NALF1: variants seen among roughly 807,000 people sequenced by gnomAD.
NALF1 encodes NALCN channel auxiliary factor 1.
A neutral mutation model predicts 48.4 loss-of-function variants in NALF1; 3 were observed. That is an observed-to-expected ratio of 0.06 (90% confidence interval 0.03 to 0.16). The LOEUF (loss-of-function observed/expected upper bound fraction) is 0.16. NALF1 is among the 10% of genes least tolerant of loss of function. NALF1 has a pLI of 1.00. For missense variants in NALF1, 526 were observed against 571.5 expected (o/e 0.92, Z 0.81); for synonymous variants, 262 against 245.7 (o/e 1.07, Z -0.62).
chr13:107,460,865 A>C (rs1332719115), intron 1 of NALF1, among the ~76,000 whole-genome samples: 6 of 152,218 alleles, frequency 3.9e-5, no homozygotes, highest in African/African-American at 1.4e-4. Context: ...AACATCTCTG[A>C]CTAATGGCAA....
chr13:107,824,014 A>G (rs1034575448), intron 1 of NALF1, among the ~76,000 whole-genome samples: 3 of 137,724 alleles, frequency 2.2e-5, no homozygotes, highest in African/African-American at 7.9e-5. Flanking sequence ...ATTGGTCCCC[A>G]TCATTCCTTA....
At position 107,279,040 on chromosome 13, in the gene NALF1, C is replaced by CTT. The variant is rs1229406309; in HGVS notation, c.916-68287_916-68286dup. On this transcript the variant is annotated intron_variant, in intron 1 of 2. Transcript: ENST00000375915. Reference sequence around the variant, plus strand: ...CAGGTCTTTCCTTTTCTTTTCTTTTCTTCTTTTTTTTTTTTTTTTTTGCAC... The same window carrying CTT: ...CAGGTCTTTCCTTTTCTTTTCTTTTCTTTTCTTTTTTTTTTTTTTTTTTGCAC... 1.0e-4 allele frequency among the ~76,000 whole-genome samples: 11 copies of CTT among 105,178 alleles called. No homozygotes were observed. In the East Asian group the frequency reaches 1.6e-3, roughly 16 times the overall value. The allele number at this position is 105,178 out of a possible 152,430, so 69.0% of individuals were successfully genotyped here.
chr13:107,567,932 A>T (rs11617953), intron 1 of NALF1, among the ~76,000 whole-genome samples: 2 of 151,886 alleles, frequency 1.3e-5, no homozygotes, highest in African/African-American at 4.8e-5. Flanking sequence ...ATAGTGATCC[A>T]AGTTGTTATT....
rs192681779 is a variant in NALF1, at chr13:107,425,264, G to A, written c.916-214509C>T. Among the ~76,000 whole-genome samples the A allele has an allele frequency of 2.3e-4, 35 of 152,182 alleles. No homozygotes were observed. The East Asian group carries it at 6.4e-3, about 28-fold the overall frequency. On this transcript the variant is annotated intron_variant, in intron 1 of 2. Transcript: ENST00000375915. ...AAATTTAGATATGTTCTTCCTGTTAGTAATTCATCATAAACTAAGTGCGTT... is the reference window on the plus strand; with the variant it reads ...AAATTTAGATATGTTCTTCCTGTTAATAATTCATCATAAACTAAGTGCGTT...
At chr13:107,648,905 G>A (rs562555549) in intron 1 of NALF1, among the ~76,000 whole-genome samples, 9 of 152,100 alleles carry the variant, frequency 5.9e-5, no homozygotes, top group Non-Finnish European at 8.8e-5. Context: ...TCTCATTATC[G>A]TTTTAATTTA....
At chr13:107,447,082 T>C (rs1307840581) in intron 1 of NALF1, among the ~76,000 whole-genome samples, 1 of 152,170 alleles carries the variant, frequency 6.6e-6, no homozygotes, top group Non-Finnish European at 1.5e-5. Flanking sequence ...TGTTCAGCCC[T>C]CACTAATGCT....
chr13:107,498,548 TA>T (rs1351634944), intron 1 of NALF1, among the ~76,000 whole-genome samples: 1 of 152,066 alleles, frequency 6.6e-6, no homozygotes, highest in Non-Finnish European at 1.5e-5. Context: ...CAGGGAAAGA[TA>T]TCTGTTGATG....
At chr13:107,643,640 C>A (rs1202564668) in intron 1 of NALF1, among the ~76,000 whole-genome samples, 1 of 151,484 alleles carries the variant, frequency 6.6e-6, no homozygotes, top group Non-Finnish European at 1.5e-5. Flanking sequence ...GAAAAATAAG[C>A]AATTTTATTT....
At chr13:107,431,795 T>C (rs368161801) in intron 1 of NALF1, among the ~76,000 whole-genome samples, 2 of 152,158 alleles carry the variant, frequency 1.3e-5, no homozygotes, top group East Asian at 3.9e-4. Context: ...AATTAAGTCC[T>C]AATGCTCTAA....
intron 1 of NALF1, among the ~76,000 whole-genome samples, chr13:107,851,805 C>CATTTTTTTTTTATTTTTTTTTTT (rs1555329721): frequency 9.6e-6 from 1 of 104,700 alleles, no homozygotes; most frequent in African/African-American, 3.5e-5. Context: ...CAGGCCCTTT[C>CATTTTTTTTTTATTTTTTTTTTT]TTTTTTTTTT....
intron 1 of NALF1, among the ~76,000 whole-genome samples, chr13:107,505,394 T>C (rs912447): frequency 0.6 from 91,228 of 151,916 alleles, 30,507 homozygotes; most frequent in Middle Eastern, 0.77. Context: ...CAGAGAATGG[T>C]ACATAGTCTA....
chr13:107,765,466 A>G (rs549103199), intron 1 of NALF1, among the ~76,000 whole-genome samples: 4 of 152,318 alleles, frequency 2.6e-5, no homozygotes, highest in Non-Finnish European at 5.9e-5. Context: ...TGGAAGTGCC[A>G]TTTTATCTTG....
Position 107,199,333 on chromosome 13 carries a change from A to G in NALF1, c.1087+11251T>C, listed in dbSNP as rs1046776727. 4.6e-5 allele frequency among the ~76,000 whole-genome samples: 7 copies of G among 152,302 alleles called. No individual in the cohort carries two copies. The South Asian group carries it at 1.0e-3, about 23-fold the overall frequency. ...CCTTGATCTCAGATGTCTAGTCTTC[A>G]GAAGGGCGAGAAAATTCATTTTTGT... On this transcript the variant is annotated intron_variant, in intron 2 of 2. Transcript: ENST00000375915.
At chr13:107,436,224 T>C (rs1594062012) in intron 1 of NALF1, among the ~76,000 whole-genome samples, 1 of 152,294 alleles carries the variant, frequency 6.6e-6, no homozygotes, top group South Asian at 2.1e-4. Context: ...TTACAATTAA[T>C]AGGTCAGAAA....
intron 1 of NALF1, among the ~76,000 whole-genome samples, chr13:107,621,598 T>C (rs9520518): frequency 0.55 from 84,450 of 152,170 alleles, 25,409 homozygotes; most frequent in East Asian, 0.76. Context: ...TCCTCTACTA[T>C]AGGTGTTATT....
At chr13:107,353,699 T>C (rs1213135141) in intron 1 of NALF1, among the ~76,000 whole-genome samples, 2 of 152,214 alleles carry the variant, frequency 1.3e-5, no homozygotes, top group Non-Finnish European at 1.5e-5. Context: ...ATAATAAATT[T>C]GTGTTGTTTT....
chr13:107,340,604 T>C (rs1375639824), intron 1 of NALF1, among the ~76,000 whole-genome samples: 2 of 151,840 alleles, frequency 1.3e-5, no homozygotes, highest in African/African-American at 4.8e-5. Context: ...CAGTTGTGTA[T>C]ATCACTGGCA....
chr13:107,569,471 C>CAA (rs1259875837), intron 1 of NALF1, among the ~76,000 whole-genome samples: 1 of 139,282 alleles, frequency 7.2e-6, no homozygotes, highest in Non-Finnish European at 1.6e-5. Flanking sequence ...GACTCCGTCT[C>CAA]AAAAAAAAAA....
At chr13:107,754,084 A>C (rs1877015721) in intron 1 of NALF1, among the ~76,000 whole-genome samples, 1 of 152,204 alleles carries the variant, frequency 6.6e-6, no homozygotes. Flanking sequence ...AAAGAGAAAA[A>C]CAAGGACTAT....
Sources: gnomAD v4.1 joint callset for allele counts (sites outside exome capture counted in the v4.1 genomes callset) on GRCh38, gnomAD v4.1.1 for gene constraint, MANE v1.5 for transcripts, NCBI Gene and HGNC (gene_info 2026-07-23, HGNC 2026-07-21) for gene names.